The following KIF13A variants were observed in gnomAD, a reference collection of about 807,000 sequenced individuals.
The protein encoded by KIF13A is kinesin-like protein KIF13A.
A neutral mutation model predicts 212.2 loss-of-function variants in KIF13A; 79 were observed. The observed-to-expected ratio is 0.37, with a 90% confidence interval of 0.31 to 0.45. The LOEUF is 0.45. Ranked by LOEUF, KIF13A falls within the 20% of genes least tolerant of loss-of-function variation. The probability of loss-of-function intolerance (pLI) is 1.00; values close to 1 mark genes in which losing one functional copy is unlikely to be tolerated. For synonymous variants in KIF13A, 789 were observed against 808.6 expected (o/e 0.98, Z 0.41); for missense variants, 1,901 against 2,209.0 (o/e 0.86, Z 2.79).
intron 4 of KIF13A, among the ~76,000 whole-genome samples, chr6:17,869,959 C>A (rs571349363): frequency 6.6e-6 from 1 of 152,268 alleles, no homozygotes; most frequent in African/African-American, 2.4e-5. Flanking sequence ...TGTTTTCCAC[C>A]AGATAATGAA....
chr6:17,905,701 G>A (rs1773435612), intron 2 of KIF13A, among the ~76,000 whole-genome samples: 1 of 152,202 alleles, frequency 6.6e-6, no homozygotes, highest in Admixed American at 6.5e-5. Context: ...TCACCAAGCT[G>A]ACAAGCCAAA....
chr6:17,952,297 C>T (rs1777925945), intron 2 of KIF13A, among the ~76,000 whole-genome samples: 1 of 105,644 alleles, frequency 9.5e-6, no homozygotes. Context: ...GAGCGAGACT[C>T]CGTCTCAAAA....
In KIF13A at chr6:17,892,889, G is replaced by A. The variant is rs1010778728; in HGVS notation, c.159+5279C>T. On this transcript the variant is annotated intron_variant, in intron 3 of 38. Coordinates refer to ENST00000259711, the MANE Select transcript of KIF13A (RefSeq NM_022113.6). The surrounding 1 kb of genome is among the most constrained non-coding windows in gnomAD (Gnocchi z 4.7). ...AAGCTGGCAATATTATGTAAAGGGC[G>A]TTCCTGAGTTCTGTGAGCCATTCTA... 1.3e-5 allele frequency among the ~76,000 whole-genome samples: 2 copies of A among 152,174 alleles called. No individual in the cohort carries two copies. The highest frequency in any genetic ancestry group is 4.8e-5 in the African/African-American group (2 of 41,442).
In KIF13A at chr6:17,873,296, T is replaced by A. The variant is rs1050957608; in HGVS notation, c.220+81A>T. The A allele has an allele frequency of 3.3e-6, 3 of 921,922 alleles. No individual in the cohort carries two copies. In the African/African-American group the frequency reaches 5.1e-5, roughly 16 times the overall value. The allele number at this position is 921,922 out of a possible 1,614,324, so 57.1% of individuals were successfully genotyped here. ...GTGAATTACACAGGGAAAGTAAAACTCCAGAGGAATTAAAGAAAATAAACT... is the reference window on the plus strand; with the variant it reads ...GTGAATTACACAGGGAAAGTAAAACACCAGAGGAATTAAAGAAAATAAACT... On this transcript the variant is annotated intron_variant, in intron 4 of 38. Coordinates refer to ENST00000259711, the MANE Select transcript of KIF13A (RefSeq NM_022113.6).
intron 2 of KIF13A, among the ~76,000 whole-genome samples, chr6:17,959,507 G>A (rs1294641281): frequency 6.6e-6 from 1 of 152,152 alleles, no homozygotes; most frequent in Admixed American, 6.5e-5. Flanking sequence ...AGCAGCAGAG[G>A]AAAGAATGTA....
chr6:17,771,423 C>T lies in KIF13A; in HGVS notation c.4477-205G>A. 1 of 548,902 alleles carries T rather than the reference C, an allele frequency of 1.8e-6. No homozygotes were observed. 34.0% of individuals were successfully genotyped at this position (548,902 alleles called of 1,614,324 possible). On this transcript the variant is annotated intron_variant, in intron 37 of 38. Transcript: ENST00000259711. This position sits in a 1 kb window ranked among gnomAD's most constrained non-coding sequence, Gnocchi z 5.4. The stretch of plus-strand genomic sequence containing the variant: ...TTCTGTGGCAAAAAGCATAATTAGT[C>T]TTATTTAAAAAACAGCCTTTTGACC...
chr6:17,974,450 TGCG>T (rs1435049549), intron 2 of KIF13A, among the ~76,000 whole-genome samples: 1 of 152,204 alleles, frequency 6.6e-6, no homozygotes, highest in Non-Finnish European at 1.5e-5. Flanking sequence ...GCCAACCATG[TGCG>T]TTAAGTCTTG....
At chr6:17,908,575 G>C (rs1186248611) in intron 2 of KIF13A, among the ~76,000 whole-genome samples, 2 of 152,052 alleles carry the variant, frequency 1.3e-5, no homozygotes, top group Non-Finnish European at 1.5e-5. Flanking sequence ...CCGCACTCGA[G>C]CCTAGGCGAC....
At chr6:17,851,834 T>C (rs1767682649) in intron 7 of KIF13A, 121 bp downstream of exon 7, 1 of 459,044 alleles carries the variant, frequency 2.2e-6, no homozygotes, top group East Asian at 3.6e-5. Flanking sequence ...TGATACTGGG[T>C]TTCTGAGGCC....
chr6:17,760,853 G>T, downstream of KIF13A: 1 of 1,613,742 alleles, frequency 6.2e-7, no homozygotes, highest in Non-Finnish European at 8.5e-7. Flanking sequence ...GGTGCTTGCT[G>T]CTCTCACCGT....
intron 2 of KIF13A, among the ~76,000 whole-genome samples, chr6:17,910,064 C>A (rs1194933941): frequency 6.6e-6 from 1 of 152,230 alleles, no homozygotes; most frequent in Non-Finnish European, 1.5e-5. Flanking sequence ...GTCTCACATA[C>A]AGCCATACCT....
chr6:17,902,305 A>G (rs1181472920), intron 2 of KIF13A, among the ~76,000 whole-genome samples: 2 of 152,230 alleles, frequency 1.3e-5, no homozygotes, highest in African/African-American at 4.8e-5. Flanking sequence ...CTTGCTTTTA[A>G]TCATGTGGAC....
intron 18 of KIF13A, among the ~76,000 whole-genome samples, chr6:17,807,437 T>C (rs1763061433): frequency 6.6e-6 from 1 of 152,176 alleles, no homozygotes; most frequent in Non-Finnish European, 1.5e-5. Context: ...CCTGGTCTCC[T>C]GCAGTACCCT....
chr6:17,868,642 A>G (rs1036120980), intron 4 of KIF13A, among the ~76,000 whole-genome samples: 25 of 151,868 alleles, frequency 1.6e-4, no homozygotes, highest in Admixed American at 1.6e-3. Context: ...ATTATCTGCC[A>G]GACAAACATT....
intron 3 of KIF13A, among the ~76,000 whole-genome samples, chr6:17,876,632 CATTCAT>C (rs1770585087): frequency 1.0e-5 from 1 of 99,972 alleles, no homozygotes; most frequent in African/African-American, 3.2e-5. Flanking sequence ...AGCATTCATT[CATTCAT>C]TCATTCATTC....
intron 16 of KIF13A, among the ~76,000 whole-genome samples, chr6:17,818,944 G>A (rs1016625499): frequency 5.3e-5 from 8 of 150,774 alleles, no homozygotes; most frequent in Non-Finnish European, 1.0e-4. Context: ...TGTTTTCAAA[G>A]AAGCAAAATA....
chr6:17,893,078 A>G (rs1358292440), intron 3 of KIF13A, among the ~76,000 whole-genome samples: 1 of 152,214 alleles, frequency 6.6e-6, no homozygotes, highest in Non-Finnish European at 1.5e-5. Flanking sequence ...TCCAGGTAAC[A>G]TGCCAGAATT....
At chr6:17,959,011 GCTCCCAAGTAGC>G (rs1417743628) in intron 2 of KIF13A, among the ~76,000 whole-genome samples, 2 of 150,300 alleles carry the variant, frequency 1.3e-5, no homozygotes, top group South Asian at 2.1e-4. Context: ...CTCCCACGTA[GCTCCCAAGTAGC>G]CTCCCAAGTA....
intron 2 of KIF13A, among the ~76,000 whole-genome samples, chr6:17,973,295 C>A: frequency 6.6e-6 from 1 of 152,176 alleles, no homozygotes; most frequent in East Asian, 1.9e-4. Flanking sequence ...AGATTCAAAT[C>A]AGATGATTTT....
Sources: allele counts gnomAD v4.1 joint callset (sites outside exome capture counted in the v4.1 genomes callset), GRCh38; gene constraint gnomAD v4.1.1; non-coding constraint Gnocchi (gnomAD v3.1); transcripts MANE v1.5; gene names NCBI Gene and HGNC (gene_info 2026-07-23, HGNC 2026-07-21).